Variants in ROBO2 observed in about 807,000 individuals in gnomAD.
The protein encoded by ROBO2 is roundabout homolog 2.
In ROBO2, 53 loss-of-function variants were observed where a neutral mutation model predicts 160.8. That is an observed-to-expected ratio of 0.33 (90% confidence interval 0.26 to 0.41). The LOEUF (loss-of-function observed/expected upper bound fraction) is 0.41, where lower values mean the gene tolerates loss of function less well. Ranked by LOEUF, ROBO2 falls within the 10% of genes least tolerant of loss-of-function variation. The pLI is 1.00. For missense variants in ROBO2, 1,577 were observed against 1,722.4 expected (o/e 0.92, Z 1.49); for synonymous variants, 664 against 611.7 (o/e 1.09, Z -1.26).
At chr3:75,917,925 G>C (rs1414325999) in intron 1 of ROBO2, among the ~76,000 whole-genome samples, 1 of 151,884 alleles carries the variant, frequency 6.6e-6, no homozygotes. Flanking sequence ...TCTAGATTCT[G>C]GATATTAGAC....
chr3:76,534,343 T>A (rs2082382044), intron 2 of ROBO2, among the ~76,000 whole-genome samples: 1 of 152,120 alleles, frequency 6.6e-6, no homozygotes, highest in South Asian at 2.1e-4. Context: ...AGCTTTAATG[T>A]AGGTGGCGAT....
At chr3:77,532,107 C>T (rs1380925737) in intron 6 of ROBO2, among the ~76,000 whole-genome samples, 1 of 152,018 alleles carries the variant, frequency 6.6e-6, no homozygotes, top group Non-Finnish European at 1.5e-5. Flanking sequence ...GAAACACAAG[C>T]GCGGGTTACT....
chr3:76,064,702 G>A (rs1464805850), intron 2 of ROBO2, among the ~76,000 whole-genome samples: 1 of 151,922 alleles, frequency 6.6e-6, no homozygotes, highest in Non-Finnish European at 1.5e-5. Flanking sequence ...AAAATTGGGG[G>A]CCTGAAAAAA....
intron 2 of ROBO2, among the ~76,000 whole-genome samples, chr3:75,986,513 A>G (rs2065419479): frequency 6.6e-6 from 1 of 151,090 alleles, no homozygotes; most frequent in Non-Finnish European, 1.5e-5. Flanking sequence ...TATTCTGATG[A>G]TAGTATTTTT....
chr3:76,518,297 T>A (rs910350806), intron 2 of ROBO2, among the ~76,000 whole-genome samples: 1 of 152,044 alleles, frequency 6.6e-6, no homozygotes, highest in Non-Finnish European at 1.5e-5. Context: ...TTTTTTAGAA[T>A]TTTTTTTCTT....
At chr3:76,521,340 C>T (rs1000117763) in intron 2 of ROBO2, among the ~76,000 whole-genome samples, 3 of 152,210 alleles carry the variant, frequency 2.0e-5, no homozygotes, top group African/African-American at 2.4e-5. Flanking sequence ...TGAGCCACCG[C>T]GCCTGGCCCA....
chr3:76,573,043 G>T (rs948384060), intron 2 of ROBO2, among the ~76,000 whole-genome samples: 6 of 152,080 alleles, frequency 3.9e-5, no homozygotes, highest in African/African-American at 1.4e-4. Flanking sequence ...TTTTTGTTGG[G>T]CTCATTTTTT....
chr3:76,185,279 G>A (rs1701708445), intron 2 of ROBO2, among the ~76,000 whole-genome samples: 1 of 136,574 alleles, frequency 7.3e-6, no homozygotes, highest in Non-Finnish European at 1.6e-5. Flanking sequence ...ACAATAGCTT[G>A]GTAAACATTA....
rs187108626 is a variant in ROBO2, at chr3:76,318,436, C to T, written c.109+380834C>T. Among the ~76,000 whole-genome samples, 157 of 152,180 alleles carry T rather than the reference C, an allele frequency of 1.0e-3. 1 individual carries two copies. Among genetic ancestry groups the T allele is most frequent in the Non-Finnish European group, 1.4e-3 (98 of 67,986 alleles). Reference sequence around the variant, plus strand: ...ATCTATCAGCCCCCACCCTCTCCTCCCGTTTCCAAATTACACACATGCATA... The same window carrying T: ...ATCTATCAGCCCCCACCCTCTCCTCTCGTTTCCAAATTACACACATGCATA... On this transcript the variant is annotated intron_variant, in intron 2 of 26. Transcript: ENST00000487694.
intron 2 of ROBO2, among the ~76,000 whole-genome samples, chr3:76,234,648 G>A (rs533903370): frequency 1.2e-4 from 19 of 152,108 alleles, no homozygotes; most frequent in African/African-American, 3.6e-4. Context: ...ACATGTTTTC[G>A]TATGCTTGTC....
chr3:77,602,715 A>G (rs1434800218), intron 20 of ROBO2, among the ~76,000 whole-genome samples: 1 of 89,516 alleles, frequency 1.1e-5, no homozygotes, highest in African/African-American at 4.3e-5. Flanking sequence ...CACCTCCTCC[A>G]CCACCACCAC....
At chr3:77,565,001 C>T (rs2093437245) in exon 12 of ROBO2, 1 of 1,613,640 alleles carries the variant, frequency 6.2e-7, no homozygotes, top group Non-Finnish European at 8.5e-7. Flanking sequence ...CATGTAAAGA[C>T]CACCCTCTAT....
At chr3:77,637,456 A>G (rs570206780) in intron 24 of ROBO2, among the ~76,000 whole-genome samples, 1 of 152,306 alleles carries the variant, frequency 6.6e-6, no homozygotes, top group Admixed American at 6.5e-5. Flanking sequence ...TTTTCAATAG[A>G]ATATGAAGGT....
intron 2 of ROBO2, among the ~76,000 whole-genome samples, chr3:77,328,253 A>G (rs2065637166): frequency 6.6e-6 from 1 of 151,778 alleles, no homozygotes; most frequent in Non-Finnish European, 1.5e-5. Context: ...CACACAGTAC[A>G]TTACTGTAAG....
chr3:76,272,944 A>AATATATATTTATATAT (rs1559706509), intron 2 of ROBO2, among the ~76,000 whole-genome samples: 21 of 27,490 alleles, frequency 7.6e-4, no homozygotes, highest in Non-Finnish European at 1.8e-3. Flanking sequence ...ATAAATATAT[A>AATATATATTTATATAT]AAATATATAA....
intron 2 of ROBO2, among the ~76,000 whole-genome samples, chr3:76,368,059 T>A (rs570879718): frequency 3.3e-5 from 5 of 152,132 alleles, no homozygotes; most frequent in Admixed American, 6.6e-5. Flanking sequence ...AATAGTCATA[T>A]ATTACTATTG....
intron 2 of ROBO2, among the ~76,000 whole-genome samples, chr3:75,939,977 A>G (rs1019621710): frequency 3.3e-5 from 5 of 152,144 alleles, no homozygotes; most frequent in African/African-American, 1.2e-4. Context: ...CAAGATTATG[A>G]TTAAGTATCA....
At chr3:77,294,387 C>G (rs1254321198) in intron 2 of ROBO2, among the ~76,000 whole-genome samples, 3 of 139,906 alleles carry the variant, frequency 2.1e-5, no homozygotes, top group African/African-American at 2.9e-5. Flanking sequence ...GAGGCTAGGT[C>G]ACCAAAGACA....
chr3:76,320,345 G>A (rs1266162865), intron 2 of ROBO2, among the ~76,000 whole-genome samples: 2 of 152,166 alleles, frequency 1.3e-5, no homozygotes, highest in East Asian at 3.9e-4. Flanking sequence ...GATGTAATGA[G>A]TTCATTCAGT....
Sources: allele counts gnomAD v4.1 joint callset (sites outside exome capture counted in the v4.1 genomes callset), GRCh38; gene constraint gnomAD v4.1.1; transcripts MANE v1.5; gene names NCBI Gene and HGNC (gene_info 2026-07-23, HGNC 2026-07-21).